FAM117B: variants seen among roughly 807,000 people sequenced by gnomAD.
FAM117B encodes the protein family with sequence similarity 117 member B.
A neutral mutation model predicts 52.8 loss-of-function variants in FAM117B; 22 were observed. The ratio of observed to expected loss-of-function variants is 0.42; its 90% CI spans 0.30 to 0.59. The LOEUF (loss-of-function observed/expected upper bound fraction) is 0.59, where lower values mean the gene tolerates loss of function less well. Ranked by LOEUF, FAM117B falls within the 20% of genes least tolerant of loss-of-function variation. The pLI, the probability that FAM117B is intolerant of heterozygous loss-of-function variation, is 0.22. For synonymous variants in FAM117B, 309 were observed against 324.1 expected, an observed-to-expected ratio of 0.95 and a Z score of 0.50; for missense variants, 678 against 802.6, an observed-to-expected ratio of 0.84 and a Z score of 1.88.
chr2:202,641,962 T>TA (rs1303111127), intron 1 of FAM117B, among the ~76,000 whole-genome samples: 44 of 146,870 alleles, frequency 3.0e-4, no homozygotes, highest in African/African-American at 6.5e-4. Context: ...TTTTTTTTTT[T>TA]ATCGGAGTCT....
At chr2:202,725,063 C>A in intron 3 of FAM117B, 54 bp downstream of exon 3, 2 of 1,395,108 alleles carry the variant, frequency 1.4e-6, no homozygotes, top group Non-Finnish European at 2.0e-6. Flanking sequence ...CTTTTGTTGG[C>A]TATTTCCTTG....
chr2:202,693,908 A>G (rs1202985294), intron 1 of FAM117B, among the ~76,000 whole-genome samples: 1 of 152,170 alleles, frequency 6.6e-6, no homozygotes, highest in Non-Finnish European at 1.5e-5. Context: ...TAATTTTGAA[A>G]TAGTTTTTTT....
At chr2:202,660,597 CT>C (rs1476300720) in intron 1 of FAM117B, among the ~76,000 whole-genome samples, 2 of 152,116 alleles carry the variant, frequency 1.3e-5, no homozygotes, top group Non-Finnish European at 2.9e-5. Flanking sequence ...AGGAGTGTTC[CT>C]TTTTCAGCTC....
intron 2 of FAM117B, among the ~76,000 whole-genome samples, chr2:202,724,707 T>C (rs1480315226): frequency 6.6e-6 from 1 of 152,192 alleles, no homozygotes; most frequent in East Asian, 1.9e-4. Flanking sequence ...TAATTTTTTA[T>C]TAGCAATAAA....
At chr2:202,687,518 T>C (rs1288417256) in intron 1 of FAM117B, among the ~76,000 whole-genome samples, 1 of 152,168 alleles carries the variant, frequency 6.6e-6, no homozygotes, top group Non-Finnish European at 1.5e-5. Context: ...CAAGCAATAT[T>C]CCTGCTTCAG....
intron 1 of FAM117B, among the ~76,000 whole-genome samples, chr2:202,643,082 TGGG>T (rs1008305053): frequency 2.0e-5 from 3 of 152,148 alleles, no homozygotes; most frequent in Admixed American, 6.6e-5. Flanking sequence ...AGAAGCATGT[TGGG>T]GGCACAAATC....
chr2:202,761,692 A>C (rs929291618), intron 7 of FAM117B, among the ~76,000 whole-genome samples: 1 of 151,896 alleles, frequency 6.6e-6, no homozygotes, highest in African/African-American at 2.4e-5. Flanking sequence ...ATGCCTGGCT[A>C]AGTTTTGTAT....
At chr2:202,727,459 C>T (rs1475628699) in intron 4 of FAM117B, among the ~76,000 whole-genome samples, 2 of 151,612 alleles carry the variant, frequency 1.3e-5, no homozygotes, top group African/African-American at 4.9e-5. Flanking sequence ...TGGATTCAAC[C>T]AACCATGGAT....
chr2:202,638,743 G>C (rs184924406), intron 1 of FAM117B, among the ~76,000 whole-genome samples: 1 of 152,198 alleles, frequency 6.6e-6, no homozygotes, highest in African/African-American at 2.4e-5. Flanking sequence ...CCGAGGCGGT[G>C]GATCACCTGA....
At position 202,766,102 on chromosome 2, in the gene FAM117B, A is replaced by ACACACACACACCCC. The variant is rs1553526375; in HGVS notation, c.*343_*344insACACACCCCCACAC. ...CACACACACACACACACACACACAC[A>ACACACACACACCCC]CACACCCCTGATCCTTGCCAACATG... On this transcript the variant is annotated 3_prime_UTR_variant, in exon 8 of 8. Coordinates refer to ENST00000392238, the MANE Select transcript of FAM117B (RefSeq NM_173511.4). 5.2e-6 allele frequency: 1 copy of ACACACACACACCCC among 191,004 alleles called. No individual in the cohort carries two copies. Among genetic ancestry groups the ACACACACACACCCC allele is most frequent in the Non-Finnish European group, 1.1e-5 (1 of 93,416 alleles). The allele number at this position is 191,004 out of a possible 1,614,324, so 11.8% of individuals were successfully genotyped here. A position where few individuals can be genotyped will look rare whatever the true frequency, so the allele number is the denominator to read the frequency against.
At chr2:202,642,365 A>ATATATATAT (rs1559092461) in intron 1 of FAM117B, among the ~76,000 whole-genome samples, 3 of 148,540 alleles carry the variant, frequency 2.0e-5, no homozygotes, top group African/African-American at 7.4e-5. Flanking sequence ...ATATATATAT[A>ATATATATAT]AAATGAGTAG....
chr2:202,652,805 G>A (rs1278747703), intron 1 of FAM117B, among the ~76,000 whole-genome samples: 13 of 152,150 alleles, frequency 8.5e-5, no homozygotes, highest in Admixed American at 7.9e-4. Flanking sequence ...CAATTGTATA[G>A]GGAAGATTGA....
chr2:202,655,747 A>AGTGTGTGTGT (rs1354896296), intron 1 of FAM117B, among the ~76,000 whole-genome samples: 17 of 133,242 alleles, frequency 1.3e-4, no homozygotes, highest in African/African-American at 6.1e-4. Flanking sequence ...AGAGAGAGAG[A>AGTGTGTGTGT]GAGAGAGAGA....
intron 1 of FAM117B, among the ~76,000 whole-genome samples, chr2:202,656,226 C>A (rs1402214629): frequency 6.6e-6 from 1 of 152,096 alleles, no homozygotes; most frequent in Non-Finnish European, 1.5e-5. Flanking sequence ...TTCATCTCTG[C>A]TCTCGTCTTT....
Position 202,755,692 on chromosome 2 carries a change from T to G in FAM117B, c.1104+11T>G. ...GAAGAGCAACTTATAGTAAGTGATCTTGTATCTTAAAATCATTCTTGAACT... is the reference window on the plus strand; with the variant it reads ...GAAGAGCAACTTATAGTAAGTGATCGTGTATCTTAAAATCATTCTTGAACT... On this transcript the variant is annotated intron_variant, in intron 5 of 7. Coordinates refer to ENST00000392238, the MANE Select transcript of FAM117B (RefSeq NM_173511.4). The G allele has an allele frequency of 1.2e-6, 2 of 1,607,754 alleles. No homozygotes were observed. The highest frequency in any genetic ancestry group is 1.7e-6 in the Non-Finnish European group (2 of 1,176,722).
At chr2:202,640,596 A>G (rs916502328) in intron 1 of FAM117B, among the ~76,000 whole-genome samples, 1 of 151,652 alleles carries the variant, frequency 6.6e-6, no homozygotes, top group Non-Finnish European at 1.5e-5. Flanking sequence ...GATTGCTGCT[A>G]ACATTACACA....
At chr2:202,678,825 T>C (rs1470104862) in intron 1 of FAM117B, among the ~76,000 whole-genome samples, 1 of 152,130 alleles carries the variant, frequency 6.6e-6, no homozygotes, top group African/African-American at 2.4e-5. Flanking sequence ...CCCAAAGTGT[T>C]GGGATTACAC....
At chr2:202,699,230 C>T (rs916343074) in intron 2 of FAM117B, among the ~76,000 whole-genome samples, 1 of 151,496 alleles carries the variant, frequency 6.6e-6, no homozygotes, top group African/African-American at 2.4e-5. Flanking sequence ...AGTTCGAGAC[C>T]AGCCTGACCA....
chr2:202,671,594 A>T (rs1275702749), intron 1 of FAM117B, among the ~76,000 whole-genome samples: 1 of 152,240 alleles, frequency 6.6e-6, no homozygotes, highest in Admixed American at 6.5e-5. Context: ...GGTGTTCTCC[A>T]CACTGGCTGT....
Sources: gnomAD v4.1 joint callset for allele counts (sites outside exome capture counted in the v4.1 genomes callset) on GRCh38, gnomAD v4.1.1 for gene constraint, MANE v1.5 for transcripts, NCBI Gene and HGNC (gene_info 2026-07-23, HGNC 2026-07-21) for gene names.